Variants in CLTC observed in about 807,000 individuals in gnomAD.
CLTC encodes the protein clathrin heavy chain 1.
CLTC carries 16 observed loss-of-function variants against 195.8 expected under a neutral mutation model. The observed-to-expected ratio is 0.08, with a 90% CI of 0.06 to 0.12. CLTC has a LOEUF of 0.12. Ranked by LOEUF, CLTC falls within the 10% of genes least tolerant of loss-of-function variation. The pLI is 1.00. For synonymous variants in CLTC, 667 were observed against 689.4 expected (o/e 0.97, Z 0.51); for missense variants, 796 against 2,027.0 (o/e 0.39, Z 11.66).
chr17:59,668,622 T>A (rs544865819), intron 13 of CLTC, among the ~76,000 whole-genome samples, 155 bp from the exon 14 acceptor site: 2 of 152,232 alleles, frequency 1.3e-5, no homozygotes, highest in Non-Finnish European at 2.9e-5. Context: ...TTTACTGATC[T>A]GATTAATGGA....
At chr17:59,628,039 A>G (rs1332670761) in intron 1 of CLTC, among the ~76,000 whole-genome samples, 1 of 152,222 alleles carries the variant, frequency 6.6e-6, no homozygotes, top group Non-Finnish European at 1.5e-5. Flanking sequence ...AAATGGTTAC[A>G]GACTTGTAGG....
In CLTC at chr17:59,666,626, C is replaced by T. The variant is rs2032738670; in HGVS notation, c.1929C>T (p.Thr643=). The T allele has an allele frequency of 6.2e-7, 1 of 1,612,766 alleles. No individual in the cohort carries two copies. Among genetic ancestry groups the T allele is most frequent in the Admixed American group, 1.7e-5 (1 of 59,850 alleles). ...ATATAAAACGTGCAGTGGTTCACAC[C>T]CATCTTCTTAACCCTGAGGTATTTC... ...LYDIKRAVVH[T]HLLNPEWLVN... Residue 643 remains threonine (T), a synonymous_variant, in exon 12 of 32, where the codon ACC becomes ACT. Coordinates refer to ENST00000269122, the MANE Select transcript of CLTC (RefSeq NM_004859.4). The surrounding 1 kb of genome is among the most constrained non-coding windows in gnomAD (Gnocchi z 4.9).
rs139167442 is a variant in CLTC at position 59,628,344 on chromosome 17, A to G, written c.42+8171A>G. Among the ~76,000 whole-genome samples, 9 of 152,350 alleles carry G rather than the reference A, an allele frequency of 5.9e-5. No individual in the cohort carries two copies. The East Asian group carries it at 1.5e-3, about 26-fold the overall frequency. ...AATATTTCCTGGCAATTTTAAAGTT[A>G]GACTACAGTATGTTTTTGTATTTGT... On this transcript the variant is annotated intron_variant, in intron 1 of 31. Coordinates refer to ENST00000269122, the MANE Select transcript of CLTC (RefSeq NM_004859.4).
At chr17:59,675,805 T>C (rs558188635) in intron 16 of CLTC, among the ~76,000 whole-genome samples, 2 of 152,336 alleles carry the variant, frequency 1.3e-5, no homozygotes, top group African/African-American at 4.8e-5. Context: ...CAAATTATAT[T>C]GTGAAAAGCT....
chr17:59,652,506 G>T (rs556026615), intron 5 of CLTC, among the ~76,000 whole-genome samples: 1 of 152,300 alleles, frequency 6.6e-6, no homozygotes, highest in East Asian at 1.9e-4. Context: ...CTTCAGAGTG[G>T]ATGCTGTCTT....
At chr17:59,673,942 A>G (rs553500283) in intron 15 of CLTC, among the ~76,000 whole-genome samples, 170 bp downstream of exon 15, 1 of 152,082 alleles carries the variant, frequency 6.6e-6, no homozygotes, top group Non-Finnish European at 1.5e-5. Context: ...TCTGTCACCC[A>G]TGCTGGAATA....
rs10611799 is a variant in CLTC at position 59,659,453 on chromosome 17, AT to A, written c.970-923del. On this transcript the variant is annotated intron_variant, in intron 6 of 31. Transcript: ENST00000269122. ...TATTTTTATTTTTTATTTTTAATTAATTTTTTTTTTTTTTTGAGACAGAGTC... is the reference window on the plus strand; with the variant it reads ...TATTTTTATTTTTTATTTTTAATTAATTTTTTTTTTTTTTGAGACAGAGTC... 5.1e-3 allele frequency among the ~76,000 whole-genome samples: 684 copies of A among 134,470 alleles called. 8 individuals are homozygous for A. The highest frequency in any genetic ancestry group is 0.03 in the South Asian group (120 of 4,052). 88.2% of individuals were successfully genotyped at this position (134,470 alleles called of 152,430 possible).
intron 1 of CLTC, among the ~76,000 whole-genome samples, chr17:59,631,202 T>C (rs770976704): frequency 6.6e-6 from 1 of 152,250 alleles, no homozygotes; most frequent in Non-Finnish European, 1.5e-5. Flanking sequence ...TGTTTCAGAT[T>C]GTTTCCGTTT....
rs373295926 is a variant in CLTC, at chr17:59,665,695, G to T, written c.1645-408G>T. ...CTCTACTAAAAATAACAAAAAATTA[G>T]CTAGGTGTGGTGGCAGACGCCTGTA... is the stretch of plus-strand genomic sequence containing the variant. On this transcript the variant is annotated intron_variant, in intron 10 of 31. Transcript: ENST00000269122. Among the ~76,000 whole-genome samples, 15 of 152,124 alleles carry T rather than the reference G, an allele frequency of 9.9e-5. No individual in the cohort carries two copies. In the East Asian group the frequency reaches 2.5e-3, roughly 25 times the overall value.
At chr17:59,626,432 G>C (rs183823128) in intron 1 of CLTC, among the ~76,000 whole-genome samples, 8 of 152,098 alleles carry the variant, frequency 5.3e-5, no homozygotes. Flanking sequence ...AGGGTTCCTT[G>C]AACAGACATA....
At chr17:59,665,274 C>T (rs995236432) in intron 10 of CLTC, among the ~76,000 whole-genome samples, 1 of 151,554 alleles carries the variant, frequency 6.6e-6, no homozygotes, top group Admixed American at 6.6e-5. Context: ...AAAGCTTTGT[C>T]ACTCTATATG....
chr17:59,683,833 T>G lies in CLTC; in HGVS notation c.4324-42T>G. Reference sequence around the variant, plus strand: ...TTCGATAACTTTTGTCCCTGGGACTTCAATAATGTGCTATATTTGTAACAA... The same window carrying G: ...TTCGATAACTTTTGTCCCTGGGACTGCAATAATGTGCTATATTTGTAACAA... On this transcript the variant is annotated intron_variant, in intron 27 of 31. Coordinates refer to ENST00000269122, the MANE Select transcript of CLTC (RefSeq NM_004859.4). This position sits in a 1 kb window ranked among gnomAD's most constrained non-coding sequence, Gnocchi z 6.1. The G allele has an allele frequency of 6.2e-7, 1 of 1,610,746 alleles. No homozygotes were observed. The highest frequency in any genetic ancestry group is 1.7e-5 in the Admixed American group (1 of 59,946).
chr17:59,629,207 A>G (rs1362087183), intron 1 of CLTC, among the ~76,000 whole-genome samples: 1 of 152,208 alleles, frequency 6.6e-6, no homozygotes, highest in East Asian at 1.9e-4. Flanking sequence ...GTCATATTGA[A>G]CTATGAAAAT....
chr17:59,660,243 C>A, intron 6 of CLTC, 148 bp from the exon 7 acceptor site: 1 of 694,908 alleles, frequency 1.4e-6, no homozygotes, highest in Non-Finnish European at 2.4e-6. Context: ...TGTCTTCCTT[C>A]CTTTCATTAT....
chr17:59,669,933 AG>A (rs2032809877), intron 14 of CLTC, among the ~76,000 whole-genome samples: 1 of 152,210 alleles, frequency 6.6e-6, no homozygotes, highest in Non-Finnish European at 1.5e-5. Context: ...CCTGGGCTCT[AG>A]ATTAAATAGC....
chr17:59,684,386 GAAGTA>G (rs756161561), intron 28 of CLTC: 7 of 178,976 alleles, frequency 3.9e-5, no homozygotes, highest in Non-Finnish European at 8.2e-5. Flanking sequence ...AAGCAAAAGT[GAAGTA>G]GAGTTAAGCT....
intron 1 of CLTC, among the ~76,000 whole-genome samples, chr17:59,637,863 C>T (rs758383915): frequency 1.3e-5 from 2 of 150,706 alleles, no homozygotes; most frequent in Admixed American, 6.6e-5. Flanking sequence ...CTGCAGTGAC[C>T]CATGATTGTG....
At position 59,685,176 on chromosome 17, in the gene CLTC, A is replaced by C; in HGVS notation, c.4555A>C (p.Asn1519His). 4 of 1,612,612 alleles carry C rather than the reference A, an allele frequency of 2.5e-6. No homozygotes were observed. Among genetic ancestry groups the C allele is most frequent in the Non-Finnish European group, 3.4e-6 (4 of 1,178,874 alleles). ...TGCTGCTTATCTCTTCAAAGGCAAC[A>C]ATCGCTGGAAACAGAGTGTAGAGCT... ...RIAAYLFKGN[N>H]RWKQSVELCK... The change falls in exon 29 of 32, where the codon AAT becomes CAT. Residue 1519 changes from asparagine to histidine, a missense_variant. This residue lies in a region of CLTC where 148 missense variants were observed against 279.5 expected (regional missense o/e 0.53). Transcript: ENST00000269122. This position sits in a 1 kb window ranked among gnomAD's most constrained non-coding sequence, Gnocchi z 5.0.
intron 4 of CLTC, 134 bp from the exon 5 acceptor site, chr17:59,651,069 A>T (rs2032317183): frequency 6.7e-6 from 4 of 600,982 alleles, no homozygotes; most frequent in Non-Finnish European, 9.0e-6. Context: ...CATGGTATGG[A>T]TGTAACCAAA....
Sources: gnomAD v4.1 joint callset for allele counts (sites outside exome capture counted in the v4.1 genomes callset) on GRCh38, gnomAD v4.1.1 for gene constraint, gnomAD v4.1.1 regional missense constraint, Gnocchi (gnomAD v3.1) non-coding constraint, MANE v1.5 for transcripts, NCBI Gene and HGNC (gene_info 2026-07-23, HGNC 2026-07-21) for gene names.